SGTA: variants seen among roughly 807,000 people sequenced by gnomAD.
The protein encoded by SGTA is small glutamine rich tetratricopeptide repeat co-chaperone alpha.
Under a neutral mutation model 44.3 loss-of-function variants are expected in SGTA, and 22 were observed. The observed-to-expected ratio is 0.50, with a 90% CI of 0.36 to 0.71. SGTA has a LOEUF of 0.71. SGTA is among the 30% of genes least tolerant of loss of function. The pLI is 0.00. For missense variants in SGTA, 341 were observed against 435.9 expected (o/e 0.78, Z 1.94); for synonymous variants, 174 against 177.6 (o/e 0.98, Z 0.16).
chr19:2,781,786 C>T (rs1206087520), intron 1 of SGTA, among the ~76,000 whole-genome samples: 6 of 152,134 alleles, frequency 3.9e-5, no homozygotes, highest in African/African-American at 1.4e-4. Context: ...ACACGATTTC[C>T]CGGGCCCACA....
At chr19:2,774,511 G>A (rs745884322) in intron 1 of SGTA, among the ~76,000 whole-genome samples, 1 of 152,146 alleles carries the variant, frequency 6.6e-6, no homozygotes, top group Non-Finnish European at 1.5e-5. Flanking sequence ...GTGCACAGAT[G>A]TCTAATGGCC....
In SGTA at chr19:2,767,693, C is replaced by T. The variant is rs764087872; in HGVS notation, c.101-7G>A. 3.1e-6 allele frequency: 5 copies of T among 1,610,050 alleles called. No individual in the cohort carries two copies. The highest frequency in any genetic ancestry group is 4.5e-5 in the East Asian group (2 of 44,868). On this transcript the variant is annotated splice_region_variant and splice_polypyrimidine_tract_variant and intron_variant, in intron 2 of 11. Transcript: ENST00000221566. This position sits in a 1 kb window ranked among gnomAD's most constrained non-coding sequence, Gnocchi z 7.3. Reference sequence around the variant, plus strand: ...TCCAGGCACTGGATGGCGACTGAAGCGGGGACAGAGGCGGTCCCATTCATT... The same window carrying T: ...TCCAGGCACTGGATGGCGACTGAAGTGGGGACAGAGGCGGTCCCATTCATT...
In SGTA at chr19:2,772,906, G is replaced by C. The variant is rs10412488; in HGVS notation, c.-23-3815C>G. 9.4e-4 allele frequency among the ~76,000 whole-genome samples: 72 copies of C among 76,262 alleles called. 4 individuals carry two copies. The highest frequency in any genetic ancestry group is 4.0e-3 in the South Asian group (7 of 1,750). The allele number at this position is 76,262 out of a possible 152,430, so 50.0% of individuals were successfully genotyped here. A position where few individuals can be genotyped will look rare whatever the true frequency, so the allele number is the denominator to read the frequency against. ...GGCAGAAATGGGTGACGCGGCCACAGGGCAGGGACACCGAGGGCAGAGGTG... is the reference window on the plus strand; with the variant it reads ...GGCAGAAATGGGTGACGCGGCCACACGGCAGGGACACCGAGGGCAGAGGTG... On this transcript the variant is annotated intron_variant, in intron 1 of 11. Transcript: ENST00000221566.
At chr19:2,764,257 C>G (rs1915079960) in intron 5 of SGTA, among the ~76,000 whole-genome samples, 1 of 152,228 alleles carries the variant, frequency 6.6e-6, no homozygotes, top group South Asian at 2.1e-4. Context: ...GAACCCTGCA[C>G]TGCCTCTGCA....
Position 2,769,103 on chromosome 19 carries a change from G to A in SGTA, c.-23-12C>T. ...AGAAGAGGTGATACCTGGGGGTGCAGGAAAAACCCCCATCAGGCCCCCTCA... is the reference window on the plus strand; with the variant it reads ...AGAAGAGGTGATACCTGGGGGTGCAAGAAAAACCCCCATCAGGCCCCCTCA... On this transcript the variant is annotated splice_polypyrimidine_tract_variant and intron_variant, in intron 1 of 11. Coordinates refer to ENST00000221566, the MANE Select transcript of SGTA (RefSeq NM_003021.4). 6.4e-7 allele frequency: 1 copy of A among 1,556,736 alleles called. No homozygotes were observed. The highest frequency in any genetic ancestry group is 8.9e-7 in the Non-Finnish European group (1 of 1,128,790).
In SGTA at chr19:2,763,590, G is replaced by T; in HGVS notation, c.497+63C>A. 9.0e-7 allele frequency: 1 copy of T among 1,115,342 alleles called. No individual in the cohort carries two copies. 69.1% of individuals were successfully genotyped at this position (1,115,342 alleles called of 1,614,324 possible). A position where few individuals can be genotyped will look rare whatever the true frequency, so the allele number is the denominator to read the frequency against. On this transcript the variant is annotated intron_variant, in intron 6 of 11. Coordinates refer to ENST00000221566, the MANE Select transcript of SGTA (RefSeq NM_003021.4). The surrounding 1 kb of genome is among the most constrained non-coding windows in gnomAD (Gnocchi z 5.8). ...GGAAAAAAGCCACACAAGAGAGGAA[G>T]CAGGAGCAGGAGAGGAGGGGTCCCG...
Position 2,776,540 on chromosome 19 carries a change from G to A in SGTA, c.-24+6693C>T, listed in dbSNP as rs568794759. ...AGTGGAATTGGGGGTGCCAGGGGCT[G>A]GGGAGTGAATGTTTCATGGGGACAG... is the stretch of plus-strand genomic sequence containing the variant. On this transcript the variant is annotated intron_variant, in intron 1 of 11. Coordinates refer to ENST00000221566, the MANE Select transcript of SGTA (RefSeq NM_003021.4). 5.9e-5 allele frequency among the ~76,000 whole-genome samples: 9 copies of A among 152,334 alleles called. No homozygotes were observed. The South Asian group carries it at 1.9e-3, about 32-fold the overall frequency.
chr19:2,759,658 T>C (rs1914930946), intron 8 of SGTA: 1 of 264,142 alleles, frequency 3.8e-6, no homozygotes, highest in Non-Finnish European at 7.4e-6. Flanking sequence ...CCAGTTTTGC[T>C]CTATCAATAA....
intron 7 of SGTA, among the ~76,000 whole-genome samples, 169 bp downstream of exon 7, chr19:2,762,337 T>C (rs943659389): frequency 2.6e-5 from 4 of 152,054 alleles, no homozygotes; most frequent in Admixed American, 6.5e-5. Flanking sequence ...GCATGAACCT[T>C]CTCACGACAC....
rs186755273 is a variant in SGTA, at chr19:2,782,723, C to A, written c.-24+510G>T. On this transcript the variant is annotated intron_variant, in intron 1 of 11. Transcript: ENST00000221566. ...AGTTCTCAGATTCCGCTGGACCCTG[C>A]GGCTCTCCTTCTCCTAGGCAGGGAC... 7 of 152,316 alleles carry A rather than the reference C, an allele frequency of 4.6e-5. No homozygotes were observed. The East Asian group carries it at 5.8e-4, about 13-fold the overall frequency. The allele number at this position is 152,316 out of a possible 1,614,324, so 9.4% of individuals were successfully genotyped here.
chr19:2,757,776 G>A lies in SGTA; in HGVS notation c.744C>T (p.Ser248=), dbSNP rs144813013. Residue 248 remains serine (S), a synonymous_variant, in exon 10 of 12, where the codon TCC becomes TCT. Transcript: ENST00000221566. ...GGTTGTTGCCACCCGAAATCATGCCGGACATGCTGCAGGAGAGAGCGCGTG... is the reference window on the plus strand; with the variant it reads ...GGTTGTTGCCACCCGAAATCATGCCAGACATGCTGCAGGAGAGAGCGCGTG... ...MNNPQIQQLM[S]GMISGGNNPL... 4,851 of 1,597,554 alleles carry A rather than the reference G, an allele frequency of 3.0e-3. 12 individuals carry two copies. The highest frequency in any genetic ancestry group is 3.9e-3 in the Non-Finnish European group (4,612 of 1,172,502).
chr19:2,763,846 C>G lies in SGTA; in HGVS notation c.393-89G>C. 1 of 977,770 alleles carries G rather than the reference C, an allele frequency of 1.0e-6. No individual in the cohort carries two copies. The highest frequency in any genetic ancestry group is 2.6e-5 in the East Asian group (1 of 38,044). 60.6% of individuals were successfully genotyped at this position (977,770 alleles called of 1,614,324 possible). A position where few individuals can be genotyped will look rare whatever the true frequency, so the allele number is the denominator to read the frequency against. ...AGGGGAGCCTGAGAGCTGCGTTCCT[C>G]TCCAACTTCCTGGAGGAACGGCCTC... On this transcript the variant is annotated intron_variant, in intron 5 of 11. Coordinates refer to ENST00000221566, the MANE Select transcript of SGTA (RefSeq NM_003021.4). This position sits in a 1 kb window ranked among gnomAD's most constrained non-coding sequence, Gnocchi z 5.8.
At chr19:2,775,473 C>T (rs190485906) in intron 1 of SGTA, among the ~76,000 whole-genome samples, 46 of 152,370 alleles carry the variant, frequency 3.0e-4, no homozygotes, top group African/African-American at 1.1e-3. Flanking sequence ...AAGCATAGTC[C>T]CAGACACACT....
chr19:2,757,570 G>T, intron 10 of SGTA, 113 bp from the exon 11 acceptor site: 1 of 1,473,120 alleles, frequency 6.8e-7, no homozygotes, highest in Non-Finnish European at 9.1e-7. Flanking sequence ...CTGACCCCTC[G>T]CTGGAGGACG....
intron 1 of SGTA, among the ~76,000 whole-genome samples, chr19:2,779,525 G>C (rs908959452): frequency 6.6e-6 from 1 of 152,224 alleles, no homozygotes; most frequent in African/African-American, 2.4e-5. Context: ...ACAACTTGTA[G>C]GGTTTGGCTG....
rs368373677 is a variant in SGTA, at chr19:2,765,898, T to C, written c.293-613A>G. Reference sequence around the variant, plus strand: ...TTCCCTAAACAGTTTTATTGAGATATAATTTACATGCCACAAAGCTTACGC... The same window carrying C: ...TTCCCTAAACAGTTTTATTGAGATACAATTTACATGCCACAAAGCTTACGC... On this transcript the variant is annotated intron_variant, in intron 4 of 11. Transcript: ENST00000221566. The surrounding 1 kb of genome is among the most constrained non-coding windows in gnomAD (Gnocchi z 5.5). Among the ~76,000 whole-genome samples the C allele has an allele frequency of 2.6e-5, 4 of 152,218 alleles. No homozygotes were observed. Among genetic ancestry groups the C allele is most frequent in the African/African-American group, 9.6e-5 (4 of 41,514 alleles).
chr19:2,760,738 A>T (rs954071111), intron 8 of SGTA, among the ~76,000 whole-genome samples: 8 of 152,022 alleles, frequency 5.3e-5, no homozygotes, highest in Admixed American at 1.3e-4. Flanking sequence ...CTACAGTAAG[A>T]GGTGTGGCCT....
chr19:2,768,994 C>A lies in SGTA; in HGVS notation c.75G>T (p.Ser25=). The stretch of plus-strand genomic sequence containing the variant: ...CTTCCAAGCTCTCCTGAGCATCGGA[C>A]GAGAGGCCCCCGTGCCGGAGCTGGT... The part of the protein sequence containing the change: ...LHDQLRHGGL[S]SDAQESLEVA... Residue 25 remains serine (S), a synonymous_variant, in exon 2 of 12, where the codon TCG becomes TCT. Transcript: ENST00000221566. The A allele has an allele frequency of 1.1e-5, 17 of 1,613,654 alleles. No individual in the cohort carries two copies. Among genetic ancestry groups the A allele is most frequent in the Non-Finnish European group, 1.4e-5 (16 of 1,179,816 alleles).
chr19:2,764,693 C>A (rs1340000379), intron 5 of SGTA, among the ~76,000 whole-genome samples: 2 of 152,192 alleles, frequency 1.3e-5, no homozygotes, highest in East Asian at 3.8e-4. Context: ...ATACCTCAGC[C>A]TCTTGAGTAA....
Sources: gnomAD v4.1 joint callset for allele counts (sites outside exome capture counted in the v4.1 genomes callset) on GRCh38, gnomAD v4.1.1 for gene constraint, Gnocchi (gnomAD v3.1) non-coding constraint, MANE v1.5 for transcripts, NCBI Gene and HGNC (gene_info 2026-07-23, HGNC 2026-07-21) for gene names.